Variants in ZFHX3 observed in about 807,000 individuals in gnomAD.
The protein encoded by ZFHX3 is zinc finger homeobox protein 3.
A neutral mutation model predicts 279.1 loss-of-function variants in ZFHX3; 42 were observed. The ratio of observed to expected loss-of-function variants is 0.15; its 90% CI spans 0.12 to 0.19. The LOEUF (loss-of-function observed/expected upper bound fraction) is 0.19, where lower values mean the gene tolerates loss of function less well. Among genes scored for constraint, ZFHX3 ranks in the 10% least tolerant of loss-of-function variants. The probability of loss-of-function intolerance (pLI) is 1.00; values close to 1 mark genes in which losing one functional copy is unlikely to be tolerated. For synonymous variants in ZFHX3, 2,293 were observed against 1,957.8 expected, an observed-to-expected ratio of 1.17 and a Z score of -4.52; for missense variants, 4,981 against 4,754.0, an observed-to-expected ratio of 1.05 and a Z score of -1.40.
chr16:73,759,792 A>C (rs2053844655), intron 1 of ZFHX3, among the ~76,000 whole-genome samples: 1 of 152,080 alleles, frequency 6.6e-6, no homozygotes. Context: ...TGAAGGAAGA[A>C]TATCAAAGGG....
chr16:73,590,428 AG>A (rs1430848042), intron 2 of ZFHX3, among the ~76,000 whole-genome samples: 1 of 152,236 alleles, frequency 6.6e-6, no homozygotes, highest in East Asian at 1.9e-4. Context: ...TTGATGACAA[AG>A]GCTACATCAA....
intron 4 of ZFHX3, among the ~76,000 whole-genome samples, chr16:72,872,340 C>T (rs2038183551): frequency 6.6e-6 from 1 of 152,106 alleles, no homozygotes; most frequent in Admixed American, 6.5e-5. Flanking sequence ...GCCCCAAAAT[C>T]AACATATTAT....
At chr16:73,425,746 GTT>G (rs1160714093) in intron 3 of ZFHX3, among the ~76,000 whole-genome samples, 1 of 152,082 alleles carries the variant, frequency 6.6e-6, no homozygotes, top group Admixed American at 6.5e-5. Context: ...TCCTGGCACT[GTT>G]TATCCATCTG....
At chr16:73,397,377 G>A (rs2017151879) in intron 3 of ZFHX3, among the ~76,000 whole-genome samples, 1 of 152,198 alleles carries the variant, frequency 6.6e-6, no homozygotes, top group African/African-American at 2.4e-5. Context: ...GGGTCACTGG[G>A]TGAGGTTGAG....
chr16:73,602,690 T>C (rs2052131289), intron 2 of ZFHX3, among the ~76,000 whole-genome samples: 1 of 152,064 alleles, frequency 6.6e-6, no homozygotes, highest in Non-Finnish European at 1.5e-5. Context: ...CTCAAGCCTG[T>C]AATCTCAGCA....
intron 3 of ZFHX3, among the ~76,000 whole-genome samples, chr16:73,367,456 C>G (rs574452622): frequency 9.2e-4 from 140 of 152,232 alleles, no homozygotes; most frequent in African/African-American, 3.2e-3. Flanking sequence ...GTACCTTTGA[C>G]TGGGTCATGT....
chr16:73,566,940 C>T (rs1371495818), intron 2 of ZFHX3, among the ~76,000 whole-genome samples: 1 of 152,200 alleles, frequency 6.6e-6, no homozygotes. Flanking sequence ...CTCAGGTGAT[C>T]CGCCTGCCTT....
chr16:73,807,131 G>T (rs775616250), intron 1 of ZFHX3, among the ~76,000 whole-genome samples: 1 of 152,180 alleles, frequency 6.6e-6, no homozygotes, highest in Non-Finnish European at 1.5e-5. Flanking sequence ...TGGAGCACCC[G>T]AGAAGAGGCA....
At chr16:73,786,090 C>T (rs778977199) in intron 1 of ZFHX3, among the ~76,000 whole-genome samples, 68 of 152,148 alleles carry the variant, frequency 4.5e-4, no homozygotes, top group South Asian at 6.2e-4. Context: ...AGGCTGGTCT[C>T]GAACTCCCGA....
intron 2 of ZFHX3, among the ~76,000 whole-genome samples, chr16:73,632,282 A>C (rs1452033772): frequency 6.6e-6 from 1 of 152,220 alleles, no homozygotes; most frequent in African/African-American, 2.4e-5. Context: ...GGTAAAGATG[A>C]ATATATGTTG....
chr16:73,268,948 C>T (rs1353961110), intron 4 of ZFHX3, among the ~76,000 whole-genome samples: 1 of 152,162 alleles, frequency 6.6e-6, no homozygotes, highest in African/African-American at 2.4e-5. Context: ...TACAGCAGTG[C>T]CCACCAATGG....
At chr16:73,009,787 G>A (rs913395409) in intron 1 of ZFHX3, among the ~76,000 whole-genome samples, 5 of 152,190 alleles carry the variant, frequency 3.3e-5, no homozygotes, top group Admixed American at 1.3e-4. Context: ...TTCAGAGGCC[G>A]ACGCAGGCGA....
At chr16:73,136,725 CAAAA>C (rs397855836) in intron 6 of ZFHX3, among the ~76,000 whole-genome samples, 34 of 41,630 alleles carry the variant, frequency 8.2e-4, no homozygotes, top group African/African-American at 3.1e-3. Flanking sequence ...GACTCTGCCT[CAAAA>C]AAAAAAAAAA....
rs564001130 is a variant in ZFHX3 at position 73,366,719 on chromosome 16, T to A, written c.-1290-48383A>T. 3.3e-5 allele frequency among the ~76,000 whole-genome samples: 5 copies of A among 151,426 alleles called. No individual in the cohort carries two copies. The South Asian group carries it at 1.0e-3, about 31-fold the overall frequency. ...GCAAAAGTATGTGTGTGCACATGCA[T>A]GTGTGTGTGTGTGCGTGCACACTCA... On this transcript the variant is annotated intron_variant, in intron 3 of 17. Transcript: ENST00000641206.
chr16:73,376,029 G>A (rs1839558099), intron 3 of ZFHX3, among the ~76,000 whole-genome samples: 1 of 152,158 alleles, frequency 6.6e-6, no homozygotes, highest in Admixed American at 6.5e-5. Context: ...GAAGTCAGAT[G>A]TACAAAAGAA....
chr16:73,762,011 A>G (rs1156724950), intron 1 of ZFHX3, among the ~76,000 whole-genome samples: 1 of 152,058 alleles, frequency 6.6e-6, no homozygotes, highest in Non-Finnish European at 1.5e-5. Context: ...AGAGCTTCTG[A>G]CAGAAAAAGA....
At chr16:72,930,332 C>A (rs1959716889) in intron 3 of ZFHX3, among the ~76,000 whole-genome samples, 1 of 152,150 alleles carries the variant, frequency 6.6e-6, no homozygotes, top group East Asian at 1.9e-4. Flanking sequence ...CTGATCAAAA[C>A]ACCCCTTTAT....
chr16:73,638,458 A>C (rs1013569246), intron 2 of ZFHX3, among the ~76,000 whole-genome samples: 1 of 152,222 alleles, frequency 6.6e-6, no homozygotes, highest in Non-Finnish European at 1.5e-5. Context: ...TACAGTATAA[A>C]GGTTGTCACC....
chr16:73,589,421 G>T (rs1461278442), intron 2 of ZFHX3, among the ~76,000 whole-genome samples: 1 of 131,902 alleles, frequency 7.6e-6, no homozygotes, highest in East Asian at 2.4e-4. Flanking sequence ...GGGCAGCAGA[G>T]CAAGACGCTC....
Sources: gnomAD v4.1 joint callset for allele counts (sites outside exome capture counted in the v4.1 genomes callset) on GRCh38, gnomAD v4.1.1 for gene constraint, MANE v1.5 for transcripts, NCBI Gene and HGNC (gene_info 2026-07-23, HGNC 2026-07-21) for gene names.